Variants in PTPRN2 observed in about 807,000 individuals in gnomAD.
PTPRN2 encodes receptor-type tyrosine-protein phosphatase N2.
A neutral mutation model predicts 118.8 loss-of-function variants in PTPRN2; 74 were observed. That is an observed-to-expected ratio of 0.62 (90% CI 0.52 to 0.76). The LOEUF is 0.76. Among genes scored for constraint, PTPRN2 ranks in the 30% least tolerant of loss-of-function variants. The pLI, the probability that PTPRN2 is intolerant of heterozygous loss-of-function variation, is 0.00. For synonymous variants in PTPRN2, 641 were observed against 608.0 expected, an observed-to-expected ratio of 1.05 and a Z score of -0.80; for missense variants, 1,481 against 1,394.4, an observed-to-expected ratio of 1.06 and a Z score of -0.99.
At chr7:157,789,892 TGTG>T (rs1156799335) in intron 12 of PTPRN2, among the ~76,000 whole-genome samples, 1 of 149,842 alleles carries the variant, frequency 6.7e-6, no homozygotes, top group East Asian at 2.0e-4. Flanking sequence ...CAGGTATGTG[TGTG>T]GTATGTGTGG....
At chr7:158,123,789 AG>A (rs1002677634) in intron 9 of PTPRN2, among the ~76,000 whole-genome samples, 1 of 152,230 alleles carries the variant, frequency 6.6e-6, no homozygotes, top group African/African-American at 2.4e-5. Flanking sequence ...ACCTTTAAAA[AG>A]TGTGCCAAAT....
chr7:158,178,121 A>G (rs1448802702), intron 5 of PTPRN2, among the ~76,000 whole-genome samples: 1 of 152,200 alleles, frequency 6.6e-6, no homozygotes, highest in East Asian at 1.9e-4. Context: ...TTCCATAATG[A>G]GGAATGATAC....
At chr7:158,326,731 C>T (rs911282814) in intron 2 of PTPRN2, among the ~76,000 whole-genome samples, 1 of 150,848 alleles carries the variant, frequency 6.6e-6, no homozygotes, top group African/African-American at 2.4e-5. Flanking sequence ...TGCATACATT[C>T]TCACACACAT....
intron 17 of PTPRN2, 79 bp downstream of exon 17, chr7:157,595,159 C>A: frequency 1.5e-6 from 2 of 1,338,028 alleles, no homozygotes; most frequent in South Asian, 1.2e-5. Context: ...TTGGCCTAAT[C>A]AGATTCAAGA....
chr7:157,725,218 C>T (rs1179902689), intron 12 of PTPRN2, among the ~76,000 whole-genome samples: 27 of 149,860 alleles, frequency 1.8e-4, no homozygotes, highest in African/African-American at 6.0e-4. Context: ...GCGGCCAGAC[C>T]CTCGCCTCCC....
At chr7:158,513,533 G>A (rs1823321974) in intron 1 of PTPRN2, among the ~76,000 whole-genome samples, 1 of 152,130 alleles carries the variant, frequency 6.6e-6, no homozygotes, top group Non-Finnish European at 1.5e-5. Context: ...AAGTTAATTG[G>A]GAAACTGGAT....
chr7:158,390,772 G>A lies in PTPRN2; in HGVS notation c.164-73840C>T, dbSNP rs558227385. ...CCCAAGCCTTCTCTTCTCGCGCATC[G>A]TCCCCTTAACTGTCAGCTCCACTCT... is the stretch of plus-strand genomic sequence containing the variant. On this transcript the variant is annotated intron_variant, in intron 2 of 22. Transcript: ENST00000389418. 3.9e-5 allele frequency among the ~76,000 whole-genome samples: 6 copies of A among 152,288 alleles called. 1 individual carries two copies. Among genetic ancestry groups the A allele is most frequent in the African/African-American group, 1.4e-4 (6 of 41,564 alleles).
intron 2 of PTPRN2, among the ~76,000 whole-genome samples, chr7:158,460,542 C>A (rs1034015619): frequency 1.3e-5 from 2 of 151,612 alleles, no homozygotes; most frequent in Non-Finnish European, 2.9e-5. Context: ...GGCTGTGTGC[C>A]GAGACCACAG....
intron 3 of PTPRN2, among the ~76,000 whole-genome samples, chr7:158,276,282 TAAGGC>T (rs1798972946): frequency 5.3e-5 from 2 of 37,680 alleles, no homozygotes; most frequent in African/African-American, 1.3e-4. Flanking sequence ...CAACAGGCTG[TAAGGC>T]AGCACCCCCA....
At chr7:158,576,843 T>C (rs533964187) in intron 1 of PTPRN2, among the ~76,000 whole-genome samples, 78 of 138,452 alleles carry the variant, frequency 5.6e-4, no homozygotes, top group African/African-American at 2.1e-3. Context: ...TACACAACAC[T>C]GAGGGCTGCC....
At chr7:157,728,943 G>A (rs1382577095) in intron 12 of PTPRN2, among the ~76,000 whole-genome samples, 1 of 152,146 alleles carries the variant, frequency 6.6e-6, no homozygotes, top group African/African-American at 2.4e-5. Flanking sequence ...GTCCCAAGGA[G>A]ACCAGGAAAC....
intron 14 of PTPRN2, among the ~76,000 whole-genome samples, chr7:157,643,092 A>T (rs2150699953): frequency 6.6e-6 from 1 of 152,340 alleles, no homozygotes; most frequent in Admixed American, 6.5e-5. Flanking sequence ...ATTAAGTCAA[A>T]AATGCACTTT....
At chr7:158,379,543 T>C (rs1484238000) in intron 2 of PTPRN2, among the ~76,000 whole-genome samples, 1 of 151,946 alleles carries the variant, frequency 6.6e-6, no homozygotes, top group African/African-American at 2.4e-5. Flanking sequence ...CAAAAACAAC[T>C]CCGAACTCAA....
intron 10 of PTPRN2, among the ~76,000 whole-genome samples, chr7:158,084,329 T>C (rs1813089336): frequency 7.2e-6 from 1 of 138,900 alleles, no homozygotes; most frequent in South Asian, 2.3e-4. Flanking sequence ...GATGGCTGAG[T>C]GCTGTGTGGT....
chr7:157,878,326 C>T (rs1470391106), intron 12 of PTPRN2, among the ~76,000 whole-genome samples: 1 of 146,686 alleles, frequency 6.8e-6, no homozygotes. Flanking sequence ...CTCTCGGATT[C>T]CGTGGGGCTG....
At chr7:158,440,029 C>T (rs986057743) in intron 2 of PTPRN2, among the ~76,000 whole-genome samples, 1 of 152,224 alleles carries the variant, frequency 6.6e-6, no homozygotes, top group African/African-American at 2.4e-5. Flanking sequence ...CTTAATTTCC[C>T]TATCCTCACA....
At chr7:157,799,737 C>T (rs1805108112) in intron 12 of PTPRN2, among the ~76,000 whole-genome samples, 2 of 152,104 alleles carry the variant, frequency 1.3e-5, no homozygotes. Flanking sequence ...CTTCAACACA[C>T]GGCATCACGA....
At chr7:157,720,608 C>A (rs549136331) in intron 12 of PTPRN2, among the ~76,000 whole-genome samples, 1 of 152,246 alleles carries the variant, frequency 6.6e-6, no homozygotes, top group African/African-American at 2.4e-5. Context: ...GAGGGAGTCA[C>A]GTGAATCATG....
At chr7:158,391,633 G>C (rs1811936623) in intron 2 of PTPRN2, among the ~76,000 whole-genome samples, 1 of 152,198 alleles carries the variant, frequency 6.6e-6, no homozygotes, top group Non-Finnish European at 1.5e-5. Context: ...CATGCCCCTT[G>C]AGATGCAGGC....
Sources: gnomAD v4.1 joint callset for allele counts (sites outside exome capture counted in the v4.1 genomes callset) on GRCh38, gnomAD v4.1.1 for gene constraint, MANE v1.5 for transcripts, NCBI Gene and HGNC (gene_info 2026-07-23, HGNC 2026-07-21) for gene names.